Variants in UBAP2 observed in about 807,000 individuals in gnomAD.
UBAP2 encodes the protein ubiquitin-associated protein 2.
A neutral mutation model predicts 139.6 loss-of-function variants in UBAP2; 75 were observed. That is an observed-to-expected ratio of 0.54 (90% CI 0.45 to 0.65). The LOEUF (loss-of-function observed/expected upper bound fraction) is 0.65. UBAP2 is among the 30% of genes least tolerant of loss of function. UBAP2 has a pLI of 0.00. For missense variants in UBAP2, 1,368 were observed against 1,369.6 expected (o/e 1.00, Z 0.02); for synonymous variants, 526 against 526.2 (o/e 1.00, Z 0.01).
intron 8 of UBAP2, among the ~76,000 whole-genome samples, chr9:33,970,350 T>C (rs1827822344): frequency 6.6e-6 from 1 of 152,152 alleles, no homozygotes; most frequent in African/African-American, 2.4e-5. Context: ...TTACAGTTTC[T>C]CTATTTACAG....
chr9:33,937,065 A>T (rs1009186776), intron 16 of UBAP2, among the ~76,000 whole-genome samples: 4 of 152,032 alleles, frequency 2.6e-5, no homozygotes, highest in Non-Finnish European at 2.9e-5. Flanking sequence ...CTAAATATTT[A>T]AGGTAGGAAG....
In UBAP2 at chr9:33,922,558, G is replaced by A; in HGVS notation, c.3306C>T (p.Pro1102=). The A allele has an allele frequency of 6.2e-7, 1 of 1,613,834 alleles. No individual in the cohort carries two copies. The part of the protein sequence containing the change: ...GQRSQPSSLQ[P]KSQASKPAYG... ...AGGCAGGTTTGGAGGCTTGAGACTT[G>A]GGCTGCAGGGAGCTGGGCTGGCTGC... Residue 1102 remains proline (P), a synonymous_variant, in exon 29 of 29, where the codon CCC becomes CCT. Coordinates refer to ENST00000379238, the MANE Select transcript of UBAP2 (RefSeq NM_001370062.2).
At chr9:33,928,577 A>AT (rs147195760) in intron 19 of UBAP2, 1 of 152,518 alleles carries the variant, frequency 6.6e-6, no homozygotes, top group African/African-American at 2.4e-5. Context: ...CTAAAAGGGC[A>AT]TGGCCTGCCA....
In UBAP2 at chr9:33,921,777, T is replaced by C. The variant is rs1822901183; in HGVS notation, c.*727A>G. The C allele has an allele frequency of 6.6e-6, 1 of 152,416 alleles. No individual in the cohort carries two copies. Among genetic ancestry groups the C allele is most frequent in the Admixed American group, 6.6e-5 (1 of 15,262 alleles). The allele number at this position is 152,416 out of a possible 1,614,324, so 9.4% of individuals were successfully genotyped here. ...CCCACGTGGTTCAAGACAACTAGAA[T>C]GGAGATGTGTTGCTTGGAGATACCT... On this transcript the variant is annotated 3_prime_UTR_variant, in exon 29 of 29. Transcript: ENST00000379238.
At position 34,000,164 on chromosome 9, in the gene UBAP2, C is replaced by T. The variant is rs187386790; in HGVS notation, c.100-1300G>A. Among the ~76,000 whole-genome samples, 8 of 151,956 alleles carry T rather than the reference C, an allele frequency of 5.3e-5. No individual in the cohort carries two copies. In the East Asian group the frequency reaches 1.2e-3, roughly 22 times the overall value. ...GGTCTCATTCTGTCCCCTCAGACTG[C>T]GGTGTAGTGATGCCATCATAGCTCA... is the stretch of plus-strand genomic sequence containing the variant. On this transcript the variant is annotated intron_variant, in intron 2 of 28. Coordinates refer to ENST00000379238, the MANE Select transcript of UBAP2 (RefSeq NM_001370062.2).
intron 17 of UBAP2, 152 bp from the exon 18 acceptor site, chr9:33,933,780 G>T (rs980855246): frequency 7.8e-6 from 8 of 1,020,876 alleles, no homozygotes; most frequent in Non-Finnish European, 1.1e-5. Context: ...CAAGCATATC[G>T]CCAGATAGCC....
chr9:33,935,997 A>AT (rs1401460450), intron 16 of UBAP2, 119 bp from the exon 17 acceptor site: 3 of 1,069,780 alleles, frequency 2.8e-6, no homozygotes, highest in Non-Finnish European at 4.0e-6. Flanking sequence ...CTTTTATTCT[A>AT]TTTTTTAATA....
intron 1 of UBAP2, among the ~76,000 whole-genome samples, chr9:34,022,169 C>G (rs975855470): frequency 6.6e-6 from 1 of 151,786 alleles, no homozygotes; most frequent in African/African-American, 2.4e-5. Flanking sequence ...CGCTTGAAGC[C>G]AGGAGGAGGA....
chr9:33,979,810 G>A (rs796448872), intron 6 of UBAP2, among the ~76,000 whole-genome samples: 83 of 152,274 alleles, frequency 5.5e-4, no homozygotes, highest in African/African-American at 1.8e-3. Flanking sequence ...GGAGGTTGCA[G>A]TGAGCCGAGA....
At chr9:33,938,976 G>C in intron 16 of UBAP2, 1 of 442,370 alleles carries the variant, frequency 2.3e-6, no homozygotes, top group Admixed American at 2.6e-5. Flanking sequence ...AGGAAGGGAG[G>C]ATGATCCATC....
chr9:33,960,976 T>G, intron 9 of UBAP2, 98 bp from the exon 10 acceptor site: 1 of 1,107,676 alleles, frequency 9.0e-7, no homozygotes, highest in South Asian at 1.3e-5. Flanking sequence ...GGAAAAAAGA[T>G]ACATACGCCT....
intron 2 of UBAP2, among the ~76,000 whole-genome samples, chr9:34,011,933 C>T (rs1159400819): frequency 1.3e-5 from 2 of 151,824 alleles, no homozygotes; most frequent in Non-Finnish European, 2.9e-5. Context: ...AGAGCTGTCA[C>T]CCAGAAAAAA....
At chr9:33,950,789 G>A (rs768541371) in intron 12 of UBAP2, among the ~76,000 whole-genome samples, 1 of 152,152 alleles carries the variant, frequency 6.6e-6, no homozygotes, top group South Asian at 2.1e-4. Flanking sequence ...CGAAATCACT[G>A]AATCAATGAC....
chr9:33,977,747 C>T (rs1247225942), intron 6 of UBAP2, among the ~76,000 whole-genome samples: 2 of 151,648 alleles, frequency 1.3e-5, no homozygotes, highest in Non-Finnish European at 2.9e-5. Flanking sequence ...ACCACAACCT[C>T]AGCCTCCCAG....
intron 10 of UBAP2, among the ~76,000 whole-genome samples, chr9:33,958,287 A>G (rs1401743037): frequency 6.6e-6 from 1 of 152,060 alleles, no homozygotes; most frequent in Non-Finnish European, 1.5e-5. Flanking sequence ...TAATATTCCC[A>G]GTGAATCCAT....
chr9:33,986,886 G>T, intron 5 of UBAP2, 49 bp from the exon 6 acceptor site: 2 of 1,499,026 alleles, frequency 1.3e-6, no homozygotes, highest in Non-Finnish European at 1.9e-6. Flanking sequence ...CAAACCTCTT[G>T]TACATAACCT....
At chr9:33,934,281 C>T (rs1824262884) in intron 17 of UBAP2, 1 of 156,228 alleles carries the variant, frequency 6.4e-6, no homozygotes, top group Non-Finnish European at 1.5e-5. Flanking sequence ...GATGTGGAGA[C>T]ACTCAGTCCT....
Position 33,923,066 on chromosome 9 carries a change from T to G in UBAP2, c.3005-33A>C, listed in dbSNP as rs374970219. On this transcript the variant is annotated intron_variant, in intron 26 of 28. Transcript: ENST00000379238. ...GAAAAGCAGTTGTTCCCCACAGCAG[T>G]TGTTCCCAGCTCCAGGCTCCCCACC... 66 of 1,613,842 alleles carry G rather than the reference T, an allele frequency of 4.1e-5. No individual in the cohort carries two copies. In the African/African-American group the frequency reaches 8.1e-4, roughly 20 times the overall value.
chr9:33,949,313 A>G (rs1587546253), intron 12 of UBAP2, among the ~76,000 whole-genome samples: 1 of 152,330 alleles, frequency 6.6e-6, no homozygotes, highest in Non-Finnish European at 1.5e-5. Flanking sequence ...ACAAAAACAC[A>G]TTATTTTCCT....
Sources: gnomAD v4.1 joint callset for allele counts (sites outside exome capture counted in the v4.1 genomes callset) on GRCh38, gnomAD v4.1.1 for gene constraint, MANE v1.5 for transcripts, NCBI Gene and HGNC (gene_info 2026-07-23, HGNC 2026-07-21) for gene names.